ST7: variants seen among roughly 807,000 people sequenced by gnomAD.
ST7 encodes suppression of tumorigenicity 7.
ST7 carries 28 observed loss-of-function variants against 78.7 expected under a neutral mutation model. The ratio of observed to expected loss-of-function variants is 0.36; its 90% confidence interval spans 0.26 to 0.49. ST7 has a LOEUF of 0.49. Ranked by LOEUF, ST7 falls within the 20% of genes least tolerant of loss-of-function variation. ST7 has a pLI of 0.99. For missense variants in ST7, 418 were observed against 696.0 expected, an observed-to-expected ratio of 0.60 and a Z score of 4.49; for synonymous variants, 247 against 249.6, an observed-to-expected ratio of 0.99 and a Z score of 0.10.
chr7:117,023,422 C>G (rs926502013), intron 1 of ST7, among the ~76,000 whole-genome samples: 2 of 152,206 alleles, frequency 1.3e-5, no homozygotes, highest in African/African-American at 4.8e-5. Context: ...AGTCTCATCT[C>G]TTTGACTTAG....
chr7:116,977,397 A>G (rs1286940260), intron 1 of ST7, among the ~76,000 whole-genome samples: 1 of 152,094 alleles, frequency 6.6e-6, no homozygotes, highest in Non-Finnish European at 1.5e-5. Flanking sequence ...GCACTCCTCT[A>G]ATGTGGAGGC....
At chr7:116,962,499 A>G (rs1792884595) in intron 1 of ST7, among the ~76,000 whole-genome samples, 1 of 152,182 alleles carries the variant, frequency 6.6e-6, no homozygotes, top group African/African-American at 2.4e-5. Context: ...GTGAGATGGT[A>G]TCTCATTGTG....
chr7:117,070,302 T>G (rs1798859925), intron 1 of ST7, among the ~76,000 whole-genome samples: 1 of 152,206 alleles, frequency 6.6e-6, no homozygotes, highest in Non-Finnish European at 1.5e-5. Flanking sequence ...ATTAACATCT[T>G]CAGGCCCATT....
intron 9 of ST7, among the ~76,000 whole-genome samples, chr7:117,167,861 G>T (rs1313108097): frequency 6.6e-6 from 1 of 152,138 alleles, no homozygotes; most frequent in Admixed American, 6.6e-5. Context: ...AAAGGGCGGA[G>T]GGTGTCCACG....
At chr7:117,064,188 GTT>G (rs11321009) in intron 1 of ST7, among the ~76,000 whole-genome samples, 4 of 151,318 alleles carry the variant, frequency 2.6e-5, no homozygotes, top group Admixed American at 6.6e-5. Flanking sequence ...CATGGGAAAA[GTT>G]TTTTTTCTTT....
intron 1 of ST7, among the ~76,000 whole-genome samples, chr7:116,965,559 C>T (rs1351332272): frequency 5.3e-5 from 8 of 151,996 alleles, no homozygotes; most frequent in Non-Finnish European, 1.0e-4. Context: ...CACATGTATC[C>T]CAGAACTTAA....
chr7:117,106,200 T>G (rs1584676389), intron 2 of ST7, among the ~76,000 whole-genome samples: 1 of 151,670 alleles, frequency 6.6e-6, no homozygotes, highest in Non-Finnish European at 1.5e-5. Context: ...GGGTTTCACC[T>G]TGTTAGCCAG....
intron 11 of ST7, 76 bp downstream of exon 11, chr7:117,189,469 G>A: frequency 2.4e-6 from 3 of 1,237,034 alleles, no homozygotes; most frequent in Non-Finnish European, 3.3e-6. Context: ...GCTTTCTCTG[G>A]AAGTTTCTCT....
At chr7:117,140,441 T>A (rs893989900) in intron 9 of ST7, among the ~76,000 whole-genome samples, 4 of 152,184 alleles carry the variant, frequency 2.6e-5, no homozygotes, top group Non-Finnish European at 5.9e-5. Flanking sequence ...GATAATTGAC[T>A]GGGAGAATTA....
At chr7:117,114,616 A>G (rs1563092360) in intron 2 of ST7, among the ~76,000 whole-genome samples, 1 of 152,030 alleles carries the variant, frequency 6.6e-6, no homozygotes. Context: ...ACATCTTTCT[A>G]TTTCCCATGG....
At chr7:117,183,759 A>G (rs1426615667) in intron 10 of ST7, among the ~76,000 whole-genome samples, 2 of 152,246 alleles carry the variant, frequency 1.3e-5, no homozygotes, top group Non-Finnish European at 1.5e-5. Context: ...ATTTTTAGTT[A>G]CATATCCCTG....
intron 1 of ST7, chr7:116,956,417 C>T (rs1175594694): frequency 2.1e-6 from 1 of 467,144 alleles, no homozygotes; most frequent in Non-Finnish European, 4.4e-6. Context: ...CTTTGCTGTT[C>T]TTCAGCCCTG....
chr7:117,208,652 G>T (rs1412356537), intron 12 of ST7, among the ~76,000 whole-genome samples: 1 of 152,146 alleles, frequency 6.6e-6, no homozygotes, highest in Non-Finnish European at 1.5e-5. Flanking sequence ...GGGAAACATT[G>T]ATAGTTGTGC....
chr7:117,197,610 G>A (rs537916531), intron 12 of ST7, among the ~76,000 whole-genome samples: 1 of 152,206 alleles, frequency 6.6e-6, no homozygotes, highest in South Asian at 2.1e-4. Context: ...AGAAAGAAGG[G>A]GAGCAATAAA....
At chr7:117,054,415 G>A (rs924681527) in intron 1 of ST7, among the ~76,000 whole-genome samples, 1 of 152,166 alleles carries the variant, frequency 6.6e-6, no homozygotes, top group African/African-American at 2.4e-5. Flanking sequence ...CTTTCTTACT[G>A]CTGTGCCTGT....
chr7:117,098,920 A>G (rs1801332573), intron 1 of ST7: 1 of 1,043,580 alleles, frequency 9.6e-7, no homozygotes, highest in African/African-American at 1.7e-5. Flanking sequence ...AGTGAACCCT[A>G]ATCAGTGAGC....
chr7:117,140,105 G>GT (rs1324073984), intron 9 of ST7, among the ~76,000 whole-genome samples: 2 of 152,084 alleles, frequency 1.3e-5, no homozygotes, highest in African/African-American at 4.8e-5. Flanking sequence ...TTAATTTCAG[G>GT]TTTTTTCTGT....
In ST7 at chr7:117,181,201, A is replaced by G. The variant is rs7787067; in HGVS notation, c.1079-8120A>G. On this transcript the variant is annotated intron_variant, in intron 10 of 15. Coordinates refer to ENST00000323984, the MANE Select transcript of ST7 (RefSeq NM_001369598.1). ...AAAGATCAGAATGACAGATAGCTAA[A>G]TAAGTACGTACAAGTCAGGTATAAA... is the stretch of plus-strand genomic sequence containing the variant. 2.3e-3 allele frequency among the ~76,000 whole-genome samples: 347 copies of G among 152,332 alleles called. 2 individuals are homozygous for G. Among genetic ancestry groups the G allele is most frequent in the African/African-American group, 8.1e-3 (337 of 41,586 alleles).
intron 10 of ST7, among the ~76,000 whole-genome samples, chr7:117,174,184 G>A (rs1235110993): frequency 6.6e-6 from 1 of 152,072 alleles, no homozygotes; most frequent in Non-Finnish European, 1.5e-5. Context: ...ATACTATATT[G>A]CTATCCTCAG....
Sources: gnomAD v4.1 joint callset for allele counts (sites outside exome capture counted in the v4.1 genomes callset) on GRCh38, gnomAD v4.1.1 for gene constraint, MANE v1.5 for transcripts, NCBI Gene and HGNC (gene_info 2026-07-23, HGNC 2026-07-21) for gene names.